TAMM41: variants seen among roughly 807,000 people sequenced by gnomAD.
The protein encoded by TAMM41 is phosphatidate cytidylyltransferase, mitochondrial.
In TAMM41, 36 loss-of-function variants were observed where a neutral mutation model predicts 44.1. That is an observed-to-expected ratio of 0.82 (90% CI 0.63 to 1.08). The LOEUF is 1.08. Ranked by LOEUF, TAMM41 falls within the 50% of genes least tolerant of loss-of-function variation. TAMM41 has a pLI of 0.00. For missense variants in TAMM41, 417 were observed against 404.3 expected, an observed-to-expected ratio of 1.03 and a Z score of -0.27; for synonymous variants, 164 against 153.1, an observed-to-expected ratio of 1.07 and a Z score of -0.53.
chr3:11,831,956 A>G lies in TAMM41; in HGVS notation c.412-2092T>C, dbSNP rs566948393. ...CTTAGGTGAGTTTAGTATTACTGCA[A>G]TCATCTGCAGAGAGTAACCCATGAC... On this transcript the variant is annotated intron_variant, in intron 3 of 7. Coordinates refer to ENST00000455809, the MANE Select transcript of TAMM41 (RefSeq NM_001284401.2). Among the ~76,000 whole-genome samples, 56 of 152,302 alleles carry G rather than the reference A, an allele frequency of 3.7e-4. 1 individual carries two copies. The highest frequency in any genetic ancestry group is 1.2e-4 in the African/African-American group (5 of 41,560).
intron 4 of TAMM41, among the ~76,000 whole-genome samples, chr3:11,824,025 C>A (rs2078639656): frequency 6.6e-6 from 1 of 151,870 alleles, no homozygotes; most frequent in South Asian, 2.1e-4. Flanking sequence ...CAGGGTTTCA[C>A]CATGTTGGCC....
the TAMM41 span, among the ~76,000 whole-genome samples, chr3:11,737,284 CATT>C: frequency 0.22 from 29,085 of 131,330 alleles, 3,499 homozygotes; most frequent in Non-Finnish European, 0.26. Context: ...TGTTGGCTTA[CATT>C]ATTATTATTA....
At chr3:11,749,945 TGGA>T in the TAMM41 span, among the ~76,000 whole-genome samples, 1 of 151,456 alleles carries the variant, frequency 6.6e-6, no homozygotes, top group Non-Finnish European at 1.5e-5. Context: ...TTGCCCAGGC[TGGA>T]GTGCAGTGGC....
intron 7 of TAMM41, among the ~76,000 whole-genome samples, chr3:11,802,725 AG>A (rs2077789777): frequency 6.6e-6 from 1 of 152,218 alleles, no homozygotes; most frequent in South Asian, 2.1e-4. Context: ...GGTACCAAAC[AG>A]ACAAGGACAC....
At chr3:11,746,656 T>A in the TAMM41 span, among the ~76,000 whole-genome samples, 10 of 152,114 alleles carry the variant, frequency 6.6e-5, no homozygotes, top group African/African-American at 1.4e-4. Flanking sequence ...TTAATTTATT[T>A]ATTTATTTTT....
At chr3:11,775,662 G>T in the TAMM41 span, among the ~76,000 whole-genome samples, 1 of 152,142 alleles carries the variant, frequency 6.6e-6, no homozygotes, top group Non-Finnish European at 1.5e-5. Flanking sequence ...AAAGATAACC[G>T]TTTGCGCAGC....
chr3:11,747,499 T>C, the TAMM41 span, among the ~76,000 whole-genome samples: 1 of 152,190 alleles, frequency 6.6e-6, no homozygotes, highest in Non-Finnish European at 1.5e-5. Context: ...TGGGGCACGG[T>C]GACTCACACC....
chr3:11,805,589 T>C (rs2077885032), intron 7 of TAMM41, among the ~76,000 whole-genome samples: 1 of 152,146 alleles, frequency 6.6e-6, no homozygotes, highest in Admixed American at 6.5e-5. Flanking sequence ...ATCTTTCCAG[T>C]GATTCAGGAG....
At chr3:11,821,285 T>C (rs2078508325) in intron 4 of TAMM41, among the ~76,000 whole-genome samples, 1 of 152,218 alleles carries the variant, frequency 6.6e-6, no homozygotes, top group African/African-American at 2.4e-5. Context: ...CAACTCACCA[T>C]AATGTAGAAT....
intron 7 of TAMM41, among the ~76,000 whole-genome samples, chr3:11,794,500 C>G (rs1184511824): frequency 1.3e-5 from 2 of 152,144 alleles, no homozygotes; most frequent in Non-Finnish European, 2.9e-5. Flanking sequence ...TCACTCCTTC[C>G]CCAGTGGATA....
In TAMM41 at chr3:11,809,528, A is replaced by C. The variant is rs756878772; in HGVS notation, c.863T>G (p.Val288Gly). 1.2e-6 allele frequency: 2 copies of C among 1,613,842 alleles called. No homozygotes were observed. The highest frequency in any genetic ancestry group is 2.2e-5 in the South Asian group (2 of 90,920). The change falls in exon 6 of 8, where the codon GTG becomes GGG. Residue 288 changes from valine (V) to glycine (G), a missense_variant. Coordinates refer to ENST00000455809, the MANE Select transcript of TAMM41 (RefSeq NM_001284401.2). ...ATTCATAAACGTACCTAGTCGCACCACATCTCCACAGTCGGGATCATGAGC... is the reference window on the plus strand; with the variant it reads ...ATTCATAAACGTACCTAGTCGCACCCCATCTCCACAGTCGGGATCATGAGC... Reference protein sequence around the residue: ...QVAHDPDCGDVVRLGLSAIVR... With the variant: ...QVAHDPDCGDGVRLGLSAIVR...
At chr3:11,787,085 T>G (rs1342568881), downstream of TAMM41, among the ~76,000 whole-genome samples, 1 of 152,118 alleles carries the variant, frequency 6.6e-6, no homozygotes, top group Non-Finnish European at 1.5e-5. Flanking sequence ...CCAGAACACC[T>G]CCATGTGGCC....
At chr3:11,736,239 C>T in the TAMM41 span, among the ~76,000 whole-genome samples, 1 of 152,126 alleles carries the variant, frequency 6.6e-6, no homozygotes, top group African/African-American at 2.4e-5. Context: ...GTTTTCTTCA[C>T]AGTTAATTGC....
At chr3:11,726,815 A>AAG in the TAMM41 span, among the ~76,000 whole-genome samples, 2 of 151,264 alleles carry the variant, frequency 1.3e-5, no homozygotes, top group African/African-American at 4.9e-5. Context: ...AAAAAAAAAA[A>AAG]AAAGAAAAAA....
At chr3:11,825,291 C>A (rs2078702375) in intron 4 of TAMM41, among the ~76,000 whole-genome samples, 2 of 152,184 alleles carry the variant, frequency 1.3e-5, no homozygotes, top group African/African-American at 2.4e-5. Context: ...GGGTATTGTT[C>A]ATGCTTTCTA....
chr3:11,753,979 C>G, the TAMM41 span, among the ~76,000 whole-genome samples: 1 of 152,116 alleles, frequency 6.6e-6, no homozygotes, highest in Admixed American at 6.6e-5. Flanking sequence ...GGGGCGGCCT[C>G]GTGTTCTCCT....
At chr3:11,781,075 T>C in the TAMM41 span, among the ~76,000 whole-genome samples, 1 of 152,180 alleles carries the variant, frequency 6.6e-6, no homozygotes, top group Non-Finnish European at 1.5e-5. Context: ...ATTCAACTAA[T>C]ACCAGTTGAA....
At chr3:11,723,975 T>C in the TAMM41 span, among the ~76,000 whole-genome samples, 264 of 151,256 alleles carry the variant, frequency 1.7e-3, 1 homozygote, top group African/African-American at 6.2e-3. Context: ...CAGAGGAGGG[T>C]GTTGAGGTAG....
chr3:11,735,319 C>T, the TAMM41 span, among the ~76,000 whole-genome samples: 4 of 152,142 alleles, frequency 2.6e-5, no homozygotes, highest in Non-Finnish European at 4.4e-5. Flanking sequence ...GACTGCGCCA[C>T]TGCATTCCAG....
Sources: allele counts gnomAD v4.1 joint callset (sites outside exome capture counted in the v4.1 genomes callset), GRCh38; gene constraint gnomAD v4.1.1; transcripts MANE v1.5; gene names NCBI Gene and HGNC (gene_info 2026-07-23, HGNC 2026-07-21).